Variants in SPEF2 observed in about 807,000 individuals in gnomAD.
The protein encoded by SPEF2 is sperm flagella and cilia-associated protein 2.
SPEF2 carries 187 observed loss-of-function variants against 224.6 expected under a neutral mutation model. That is an observed-to-expected ratio of 0.83 (90% CI 0.74 to 0.94). The LOEUF (loss-of-function observed/expected upper bound fraction) is 0.94, where lower values mean the gene tolerates loss of function less well. Ranked by LOEUF, SPEF2 falls within the 40% of genes least tolerant of loss-of-function variation. The pLI is 0.00. For missense variants in SPEF2, 2,170 were observed against 2,135.6 expected (o/e 1.02, Z -0.32); for synonymous variants, 715 against 707.3 (o/e 1.01, Z -0.17).
At chr5:35,709,983 T>A (rs1473215148) in intron 19 of SPEF2, 1 of 982,958 alleles carries the variant, frequency 1.0e-6, no homozygotes, top group Non-Finnish European at 1.2e-6. Context: ...AGATTTGAGA[T>A]AGGTCTTAAT....
intron 19 of SPEF2, chr5:35,710,254 CT>C (rs1256332696): frequency 5.1e-6 from 5 of 984,428 alleles, no homozygotes; most frequent in Non-Finnish European, 6.0e-6. Context: ...ATTTAAAATG[CT>C]TTTTAGAACT....
intron 30 of SPEF2, chr5:35,781,206 C>G (rs1401548160): frequency 6.6e-6 from 1 of 151,088 alleles, no homozygotes; most frequent in Non-Finnish European, 1.5e-5. Context: ...GCCCTAGGAG[C>G]TGAGAGTTTA....
intron 16 of SPEF2, 44 bp from the exon 17 acceptor site, chr5:35,704,510 T>A (rs1459156994): frequency 1.5e-6 from 2 of 1,378,624 alleles, no homozygotes; most frequent in Non-Finnish European, 1.0e-6. Context: ...AAGTAGCAAC[T>A]TTGGTTTTGA....
chr5:35,712,232 TTTTTA>T (rs146701244), intron 19 of SPEF2, among the ~76,000 whole-genome samples: 6,029 of 151,974 alleles, frequency 0.04, 201 homozygotes, highest in African/African-American at 0.077. Context: ...TTGGCCATTA[TTTTTA>T]TTTTATTTTA....
rs745462945 is a variant in SPEF2 at position 35,727,783 on chromosome 5, G to T, written c.3023G>T (p.Gly1008Val). Reference protein sequence around the residue: ...VAIVPQPPKPGSEEWVYVNEP... With the variant: ...VAIVPQPPKPVSEEWVYVNEP... ...ATAGTGCCACAGCCACCTAAGCCAG[G>T]ATCAGAAGAATGGGTCTATGTGAAT... The change falls in exon 21 of 37, where the codon GGA becomes GTA. Residue 1008 changes from glycine (G) to valine (V), a missense_variant. Transcript: ENST00000356031. 4 of 1,613,814 alleles carry T rather than the reference G, an allele frequency of 2.5e-6. No homozygotes were observed. Among genetic ancestry groups the T allele is most frequent in the African/African-American group, 1.3e-5 (1 of 74,902 alleles).
intron 25 of SPEF2, among the ~76,000 whole-genome samples, chr5:35,760,220 G>A (rs550724074): frequency 1.3e-5 from 2 of 151,988 alleles, no homozygotes; most frequent in Admixed American, 6.6e-5. Flanking sequence ...AAAATTAGCC[G>A]GGCGTAGTGG....
At chr5:35,715,608 C>A (rs1211527738) in intron 20 of SPEF2, among the ~76,000 whole-genome samples, 1 of 151,876 alleles carries the variant, frequency 6.6e-6, no homozygotes, top group Non-Finnish European at 1.5e-5. Flanking sequence ...AGAGCATTTT[C>A]CTTTGTGTTT....
At chr5:35,694,584 G>A (rs184639509) in intron 13 of SPEF2, among the ~76,000 whole-genome samples, 3 of 152,298 alleles carry the variant, frequency 2.0e-5, no homozygotes, top group African/African-American at 4.8e-5. Context: ...AGCCTCCTTC[G>A]AATAGTTGAT....
rs1465217260 is a variant in SPEF2, at chr5:35,793,000, G to A, written c.4555-159G>A. On this transcript the variant is annotated intron_variant, in intron 31 of 36. Transcript: ENST00000356031. ...TTCTAGGTGCTTTCTGGTGTGGATG[G>A]TTGGTAGAATAAAGGAAACAAAAGT... is the stretch of plus-strand genomic sequence containing the variant. 4.6e-5 allele frequency among the ~76,000 whole-genome samples: 7 copies of A among 152,312 alleles called. No homozygotes were observed. In the South Asian group the frequency reaches 1.0e-3, roughly 23 times the overall value.
At chr5:35,667,997 A>T (rs958027388) in intron 9 of SPEF2, among the ~76,000 whole-genome samples, 7 of 152,272 alleles carry the variant, frequency 4.6e-5, no homozygotes, top group East Asian at 1.9e-4. Context: ...TAAAATTTTT[A>T]AAAAAATGAA....
intron 30 of SPEF2, chr5:35,790,165 T>G (rs907740920): frequency 5.7e-6 from 4 of 702,688 alleles, no homozygotes; most frequent in Non-Finnish European, 1.0e-5. Context: ...TTTAGTCAGA[T>G]GAAATGGACC....
chr5:35,684,574 C>T (rs995599047), intron 10 of SPEF2, among the ~76,000 whole-genome samples: 1 of 152,160 alleles, frequency 6.6e-6, no homozygotes, highest in African/African-American at 2.4e-5. Flanking sequence ...TTACATGCCT[C>T]CAGCAGCTGC....
intron 28 of SPEF2, among the ~76,000 whole-genome samples, chr5:35,775,674 G>A (rs1753513893): frequency 6.6e-6 from 1 of 152,136 alleles, no homozygotes; most frequent in South Asian, 2.1e-4. Flanking sequence ...TTGGATTTGA[G>A]GTGGGGGAAG....
chr5:35,672,355 A>G (rs1751316383), intron 10 of SPEF2, among the ~76,000 whole-genome samples: 3 of 140,188 alleles, frequency 2.1e-5, no homozygotes. Flanking sequence ...TATATAATGA[A>G]CATTATTATG....
Position 35,628,524 on chromosome 5 carries a change from T to G in SPEF2, c.123T>G (p.Phe41Leu), listed in dbSNP as rs751806103. The change falls in exon 2 of 37, where the codon TTT becomes TTG. Residue 41 changes from phenylalanine to leucine, a missense_variant. Coordinates refer to ENST00000356031, the MANE Select transcript of SPEF2 (RefSeq NM_024867.4). Reference sequence around the variant, plus strand: ...TACTTGGAGAAGTTCTACACAAGTTTGAACTTCAGGATGATTTTTCAGAAT... The same window carrying G: ...TACTTGGAGAAGTTCTACACAAGTTGGAACTTCAGGATGATTTTTCAGAAT... ...GYLLGEVLHK[F>L]ELQDDFSEFL... 6.2e-6 allele frequency: 10 copies of G among 1,614,034 alleles called. No individual in the cohort carries two copies. The highest frequency in any genetic ancestry group is 1.6e-4 in the Middle Eastern group (1 of 6,062).
At chr5:35,697,908 G>A (rs923929243) in intron 15 of SPEF2, 115 bp downstream of exon 15, 8 of 680,458 alleles carry the variant, frequency 1.2e-5, no homozygotes, top group Non-Finnish European at 1.9e-5. Flanking sequence ...TCACTCATCT[G>A]TATATGAAAA....
At chr5:35,655,845 A>G (rs1748885814) in intron 7 of SPEF2, among the ~76,000 whole-genome samples, 1 of 152,258 alleles carries the variant, frequency 6.6e-6, no homozygotes, top group African/African-American at 2.4e-5. Context: ...GCAAAGCAGA[A>G]TAAGAGTGAC....
At chr5:35,626,447 G>A (rs1744272575) in intron 1 of SPEF2, among the ~76,000 whole-genome samples, 1 of 152,130 alleles carries the variant, frequency 6.6e-6, no homozygotes, top group South Asian at 2.1e-4. Context: ...GTTCTCACAT[G>A]AACTATAGCT....
chr5:35,707,565 A>G lies in SPEF2; in HGVS notation c.2666-1383A>G, dbSNP rs1012356891. Among the ~76,000 whole-genome samples the G allele has an allele frequency of 4.6e-5, 7 of 152,314 alleles. 1 individual carries two copies. Among genetic ancestry groups the G allele is most frequent in the East Asian group, 1.9e-4 (1 of 5,192 alleles). ...GAAATAGTCATGCAAGAACATAGGC[A>G]ATCGTCGCCAGTGGTACATTGAGTA... On this transcript the variant is annotated intron_variant, in intron 18 of 36. Transcript: ENST00000356031.
Sources: gnomAD v4.1 joint callset for allele counts (sites outside exome capture counted in the v4.1 genomes callset) on GRCh38, gnomAD v4.1.1 for gene constraint, MANE v1.5 for transcripts, NCBI Gene and HGNC (gene_info 2026-07-23, HGNC 2026-07-21) for gene names.